Variants in CDH13 observed in about 807,000 individuals in gnomAD.
CDH13 encodes cadherin 13, also known as cadherin-13.
Under a neutral mutation model 63.8 loss-of-function variants are expected in CDH13, and 24 were observed. The ratio of observed to expected loss-of-function variants is 0.38; its 90% confidence interval spans 0.27 to 0.53. The LOEUF is 0.53. CDH13 is among the 20% of genes least tolerant of loss of function. CDH13 has a pLI of 0.85. For synonymous variants in CDH13, 503 were observed against 355.3 expected, an observed-to-expected ratio of 1.42 and a Z score of -4.67; for missense variants, 1,049 against 903.1, an observed-to-expected ratio of 1.16 and a Z score of -2.07.
chr16:83,159,595 A>G (rs1226223524), intron 4 of CDH13, among the ~76,000 whole-genome samples: 1 of 152,206 alleles, frequency 6.6e-6, no homozygotes, highest in African/African-American at 2.4e-5. Context: ...AGGCACATAA[A>G]AAAGAGCCTT....
chr16:82,830,412 G>A (rs995573128), intron 1 of CDH13, among the ~76,000 whole-genome samples: 3 of 152,174 alleles, frequency 2.0e-5, no homozygotes, highest in African/African-American at 7.2e-5. Flanking sequence ...GTCCCCATGG[G>A]CAGTGAACAG....
chr16:83,006,035 A>T (rs1913455468), intron 2 of CDH13, among the ~76,000 whole-genome samples: 1 of 152,188 alleles, frequency 6.6e-6, no homozygotes, highest in African/African-American at 2.4e-5. Context: ...CTCAGTTCAG[A>T]TTCACCATTA....
intron 4 of CDH13, among the ~76,000 whole-genome samples, chr16:83,161,406 T>C (rs1309145152): frequency 6.6e-6 from 1 of 152,134 alleles, no homozygotes; most frequent in Non-Finnish European, 1.5e-5. Flanking sequence ...TTTTGTTGTT[T>C]TTAAATGAGT....
chr16:83,536,210 AAC>A (rs2075184087), intron 7 of CDH13, among the ~76,000 whole-genome samples: 2 of 152,232 alleles, frequency 1.3e-5, no homozygotes, highest in African/African-American at 4.8e-5. Flanking sequence ...AGTAAAAACC[AAC>A]AGTCATTGTC....
chr16:82,769,071 A>T (rs1209439494), intron 1 of CDH13, among the ~76,000 whole-genome samples: 2 of 152,162 alleles, frequency 1.3e-5, no homozygotes, highest in African/African-American at 4.8e-5. Context: ...GTTAGGTATA[A>T]TCTTCTGTGA....
intron 10 of CDH13, among the ~76,000 whole-genome samples, chr16:83,706,960 G>T (rs950194136): frequency 6.6e-6 from 1 of 152,130 alleles, no homozygotes; most frequent in Non-Finnish European, 1.5e-5. Flanking sequence ...GGAGAGAGAG[G>T]CACCATAATG....
chr16:83,687,937 T>G (rs1415351330), intron 10 of CDH13, among the ~76,000 whole-genome samples: 1 of 152,246 alleles, frequency 6.6e-6, no homozygotes, highest in Admixed American at 6.5e-5. Context: ...CCTGATTTCT[T>G]TGGGGCTCTG....
At chr16:83,280,428 C>G (rs1294861123) in intron 5 of CDH13, among the ~76,000 whole-genome samples, 1 of 152,236 alleles carries the variant, frequency 6.6e-6, no homozygotes, top group African/African-American at 2.4e-5. Flanking sequence ...CTTCAAGCCA[C>G]ACTTCTAATT....
chr16:83,759,267 G>A (rs1237864520), intron 11 of CDH13, among the ~76,000 whole-genome samples: 2 of 152,080 alleles, frequency 1.3e-5, no homozygotes, highest in Admixed American at 1.3e-4. Flanking sequence ...ATTCTAACAA[G>A]GAAAACACAA....
Position 83,704,729 on chromosome 16 carries a change from C to G in CDH13, c.1538+26268C>G, listed in dbSNP as rs951285674. On this transcript the variant is annotated intron_variant, in intron 10 of 13. Coordinates refer to ENST00000567109, the MANE Select transcript of CDH13 (RefSeq NM_001257.5). ...GAAAGCCTTCAGTGCTCATTTTTCACCAAACTGAACTCTATAATGGTACTA... is the reference window on the plus strand; with the variant it reads ...GAAAGCCTTCAGTGCTCATTTTTCAGCAAACTGAACTCTATAATGGTACTA... Among the ~76,000 whole-genome samples the G allele has an allele frequency of 3.3e-5, 5 of 152,226 alleles. No homozygotes were observed. In the East Asian group the frequency reaches 9.7e-4, roughly 29 times the overall value.
chr16:83,038,202 C>G (rs1917035008), intron 3 of CDH13, among the ~76,000 whole-genome samples: 1 of 152,204 alleles, frequency 6.6e-6, no homozygotes, highest in South Asian at 2.1e-4. Flanking sequence ...GCTGTGGTAA[C>G]TGGAGCCTGG....
At chr16:82,887,290 C>T (rs1440052592) in intron 2 of CDH13, among the ~76,000 whole-genome samples, 1 of 152,140 alleles carries the variant, frequency 6.6e-6, no homozygotes, top group African/African-American at 2.4e-5. Context: ...TAATTTGGCC[C>T]AGGAGTTTGC....
At chr16:83,313,641 T>A (rs1346027854) in intron 5 of CDH13, among the ~76,000 whole-genome samples, 4 of 130,694 alleles carry the variant, frequency 3.1e-5, no homozygotes, top group African/African-American at 1.2e-4. Flanking sequence ...CCCTTACCAT[T>A]GTAAAAAAAA....
chr16:83,780,275 C>G, intron 12 of CDH13, 74 bp downstream of exon 12: 1 of 935,026 alleles, frequency 1.1e-6, no homozygotes, highest in Non-Finnish European at 1.6e-6. Flanking sequence ...AATGCTGTTT[C>G]TCTACTGTTC....
intron 11 of CDH13, among the ~76,000 whole-genome samples, chr16:83,762,358 A>G (rs1040607455): frequency 1.3e-5 from 2 of 151,856 alleles, no homozygotes; most frequent in Non-Finnish European, 2.9e-5. Flanking sequence ...ATGAACACAG[A>G]ATTGCTGCCC....
intron 8 of CDH13, 52 bp downstream of exon 8, chr16:83,602,646 C>T (rs1040783456): frequency 3.6e-5 from 58 of 1,589,074 alleles, no homozygotes; most frequent in Non-Finnish European, 4.8e-5. Flanking sequence ...GCTACAATTA[C>T]TGATTGATGT....
At chr16:82,733,758 A>G (rs900209091) in intron 1 of CDH13, among the ~76,000 whole-genome samples, 13 of 152,366 alleles carry the variant, frequency 8.5e-5, no homozygotes, top group African/African-American at 7.2e-5. Context: ...GGCAAAAGGA[A>G]CTGCTTAAGA....
chr16:82,718,018 C>T (rs1459682086), intron 1 of CDH13, among the ~76,000 whole-genome samples: 1 of 152,170 alleles, frequency 6.6e-6, no homozygotes, highest in Non-Finnish European at 1.5e-5. Flanking sequence ...GTTGGGTTCC[C>T]ACAGAAGCAG....
At chr16:83,537,078 A>T (rs576979497) in intron 7 of CDH13, among the ~76,000 whole-genome samples, 92 of 152,380 alleles carry the variant, frequency 6.0e-4, no homozygotes, top group African/African-American at 2.1e-3. Flanking sequence ...GGATTCGAGC[A>T]ACAAGAATGA....
Sources: gnomAD v4.1 joint callset for allele counts (sites outside exome capture counted in the v4.1 genomes callset) on GRCh38, gnomAD v4.1.1 for gene constraint, MANE v1.5 for transcripts, NCBI Gene and HGNC (gene_info 2026-07-23, HGNC 2026-07-21) for gene names.